Variants in CTNNA3 observed in about 807,000 individuals in gnomAD.
CTNNA3 encodes catenin alpha 3, also known as catenin alpha-3.
A neutral mutation model predicts 95.7 loss-of-function variants in CTNNA3; 76 were observed. That is an observed-to-expected ratio of 0.79 (90% confidence interval 0.66 to 0.96). The LOEUF (loss-of-function observed/expected upper bound fraction) is 0.96, where lower values mean the gene tolerates loss of function less well. CTNNA3 is among the 40% of genes least tolerant of loss of function. The pLI is 0.00. For synonymous variants in CTNNA3, 431 were observed against 374.4 expected (o/e 1.15, Z -1.74); for missense variants, 1,191 against 1,089.8 (o/e 1.09, Z -1.31).
chr10:67,085,218 G>A (rs1170764272), intron 7 of CTNNA3, among the ~76,000 whole-genome samples: 3 of 151,728 alleles, frequency 2.0e-5, no homozygotes, highest in African/African-American at 7.3e-5. Flanking sequence ...TTTGATCAAA[G>A]CCATAGTTGA....
At chr10:66,346,754 T>C (rs1194583247) in intron 12 of CTNNA3, among the ~76,000 whole-genome samples, 2 of 152,220 alleles carry the variant, frequency 1.3e-5, no homozygotes, top group African/African-American at 4.8e-5. Context: ...ATAACTTACA[T>C]GAAACGTTAT....
At chr10:66,550,585 G>T (rs1842184598) in intron 10 of CTNNA3, among the ~76,000 whole-genome samples, 1 of 152,050 alleles carries the variant, frequency 6.6e-6, no homozygotes, top group East Asian at 1.9e-4. Flanking sequence ...TTTACTCTTT[G>T]GCCCTCTAAG....
At chr10:67,075,903 T>A (rs1265419706) in intron 7 of CTNNA3, among the ~76,000 whole-genome samples, 1 of 152,222 alleles carries the variant, frequency 6.6e-6, no homozygotes, top group Non-Finnish European at 1.5e-5. Flanking sequence ...GTGTGGAGCA[T>A]GGAAAGAATC....
chr10:67,387,386 C>T (rs1844222811), intron 5 of CTNNA3, among the ~76,000 whole-genome samples: 1 of 152,162 alleles, frequency 6.6e-6, no homozygotes, highest in Non-Finnish European at 1.5e-5. Context: ...GAGTATATCC[C>T]GCACCTGGCT....
At chr10:66,345,873 T>G (rs2092505149) in intron 12 of CTNNA3, among the ~76,000 whole-genome samples, 1 of 151,514 alleles carries the variant, frequency 6.6e-6, no homozygotes, top group Admixed American at 6.6e-5. Context: ...GTCAGGAGTT[T>G]GAGACCAGCC....
At chr10:66,702,006 G>A (rs965469427) in intron 9 of CTNNA3, among the ~76,000 whole-genome samples, 2 of 152,026 alleles carry the variant, frequency 1.3e-5, no homozygotes, top group Non-Finnish European at 2.9e-5. Flanking sequence ...ACCCATATGA[G>A]CCATCTGTGG....
intron 7 of CTNNA3, among the ~76,000 whole-genome samples, chr10:66,975,582 A>T (rs1564806387): frequency 6.6e-6 from 1 of 152,168 alleles, no homozygotes; most frequent in East Asian, 1.9e-4. Flanking sequence ...GCACTATCCA[A>T]TTCTATGAGT....
intron 1 of CTNNA3, among the ~76,000 whole-genome samples, chr10:67,738,510 G>T (rs1841315705): frequency 6.6e-6 from 1 of 152,140 alleles, no homozygotes; most frequent in Non-Finnish European, 1.5e-5. Context: ...AGAAAAACTG[G>T]AAACTGTAAG....
At chr10:66,149,896 T>C (rs2084102631) in intron 13 of CTNNA3, among the ~76,000 whole-genome samples, 2 of 152,154 alleles carry the variant, frequency 1.3e-5, no homozygotes, top group South Asian at 2.1e-4. Flanking sequence ...TTATTTGTAA[T>C]GGTAAATATT....
At chr10:66,841,344 T>G (rs1843060330) in intron 7 of CTNNA3, among the ~76,000 whole-genome samples, 1 of 152,132 alleles carries the variant, frequency 6.6e-6, no homozygotes, top group Non-Finnish European at 1.5e-5. Flanking sequence ...ACACAGTGTC[T>G]GAGGAGTTAT....
At chr10:67,470,843 T>C (rs1847789897) in intron 5 of CTNNA3, among the ~76,000 whole-genome samples, 1 of 152,170 alleles carries the variant, frequency 6.6e-6, no homozygotes, top group Non-Finnish European at 1.5e-5. Context: ...TCCAGTGGCA[T>C]GGTCACAGCT....
intron 10 of CTNNA3, among the ~76,000 whole-genome samples, chr10:66,589,159 T>C (rs1180489509): frequency 6.6e-6 from 1 of 151,966 alleles, no homozygotes; most frequent in Non-Finnish European, 1.5e-5. Flanking sequence ...TTGGTTTCCT[T>C]TATAGTTATA....
chr10:67,396,593 C>T (rs890856496), intron 5 of CTNNA3, among the ~76,000 whole-genome samples: 24 of 152,026 alleles, frequency 1.6e-4, no homozygotes, highest in African/African-American at 4.8e-5. Flanking sequence ...TTACCAATAA[C>T]ATAAACAATT....
intron 7 of CTNNA3, among the ~76,000 whole-genome samples, chr10:66,867,626 T>C (rs1299874053): frequency 6.6e-6 from 1 of 152,150 alleles, no homozygotes. Flanking sequence ...TAGATTGCTC[T>C]TCTAGCCGAG....
At chr10:67,379,633 C>T (rs982040875) in intron 5 of CTNNA3, among the ~76,000 whole-genome samples, 28 of 152,052 alleles carry the variant, frequency 1.8e-4, no homozygotes, top group African/African-American at 6.5e-4. Context: ...GGTGACAGGT[C>T]CACACTTAAT....
At chr10:66,710,307 T>C (rs1447398683) in intron 9 of CTNNA3, among the ~76,000 whole-genome samples, 1 of 152,134 alleles carries the variant, frequency 6.6e-6, no homozygotes, top group African/African-American at 2.4e-5. Context: ...TTGATGCTTA[T>C]TTAAAATATT....
chr10:67,569,758 T>C (rs747495644), intron 3 of CTNNA3, among the ~76,000 whole-genome samples: 17 of 152,118 alleles, frequency 1.1e-4, no homozygotes, highest in Non-Finnish European at 2.2e-4. Flanking sequence ...GGAATAAAAA[T>C]CTTAAGAATT....
At chr10:66,599,155 T>G (rs1160975771) in intron 10 of CTNNA3, among the ~76,000 whole-genome samples, 1 of 151,996 alleles carries the variant, frequency 6.6e-6, no homozygotes, top group African/African-American at 2.4e-5. Context: ...ATGACTGAAA[T>G]CATACTTTTG....
At chr10:66,468,593 T>A (rs1274058818) in intron 11 of CTNNA3, among the ~76,000 whole-genome samples, 2 of 152,018 alleles carry the variant, frequency 1.3e-5, no homozygotes, top group East Asian at 3.9e-4. Context: ...ATCTTTCAAA[T>A]TTGCTAAGAG....
Sources: allele counts gnomAD v4.1 joint callset (sites outside exome capture counted in the v4.1 genomes callset), GRCh38; gene constraint gnomAD v4.1.1; transcripts MANE v1.5; gene names NCBI Gene and HGNC (gene_info 2026-07-23, HGNC 2026-07-21).